Variants in PIP5K1B observed in about 807,000 individuals in gnomAD.
PIP5K1B encodes phosphatidylinositol-4-phosphate 5-kinase type 1 beta.
Under a neutral mutation model 67.0 loss-of-function variants are expected in PIP5K1B, and 42 were observed. That is an observed-to-expected ratio of 0.63 (90% CI 0.49 to 0.81). PIP5K1B has a LOEUF of 0.81. Ranked by LOEUF, PIP5K1B falls within the 30% of genes least tolerant of loss-of-function variation. The pLI, the probability that PIP5K1B is intolerant of heterozygous loss-of-function variation, is 0.00. For synonymous variants in PIP5K1B, 214 were observed against 231.4 expected (o/e 0.92, Z 0.68); for missense variants, 459 against 646.3 (o/e 0.71, Z 3.14).
At chr9:68,906,475 T>C (rs1825617099) in intron 8 of PIP5K1B, among the ~76,000 whole-genome samples, 1 of 152,244 alleles carries the variant, frequency 6.6e-6, no homozygotes, top group Non-Finnish European at 1.5e-5. Context: ...TATTCATGAA[T>C]TGATATATAA....
chr9:68,934,305 G>A (rs563584844), intron 12 of PIP5K1B, among the ~76,000 whole-genome samples: 4 of 152,264 alleles, frequency 2.6e-5, no homozygotes, highest in East Asian at 1.9e-4. Flanking sequence ...TGAATTATAC[G>A]TCTGACATAA....
At chr9:68,910,220 G>A (rs1157585972) in intron 8 of PIP5K1B, among the ~76,000 whole-genome samples, 1 of 152,186 alleles carries the variant, frequency 6.6e-6, no homozygotes, top group Non-Finnish European at 1.5e-5. Flanking sequence ...CTGCCATTTA[G>A]CTGTATGCCT....
At chr9:69,003,401 C>T (rs1468962551) in intron 15 of PIP5K1B, among the ~76,000 whole-genome samples, 2 of 151,164 alleles carry the variant, frequency 1.3e-5, no homozygotes, top group Non-Finnish European at 1.5e-5. Context: ...TGAGGATTTC[C>T]TGGACACCAG....
chr9:68,707,381 G>A (rs569921888), intron 1 of PIP5K1B, among the ~76,000 whole-genome samples: 10 of 152,148 alleles, frequency 6.6e-5, no homozygotes, highest in African/African-American at 1.2e-4. Context: ...GGGAGGCAGG[G>A]CAAAGACTTT....
chr9:68,853,451 C>CAAGCCTAGA, intron 4 of PIP5K1B, among the ~76,000 whole-genome samples: 2 of 152,324 alleles, frequency 1.3e-5, no homozygotes, highest in South Asian at 4.1e-4. Context: ...CCCACCATCT[C>CAAGCCTAGA]AAGCCTAGAG....
intron 2 of PIP5K1B, among the ~76,000 whole-genome samples, chr9:68,805,022 T>C (rs989206169): frequency 7.9e-5 from 12 of 152,148 alleles, no homozygotes; most frequent in African/African-American, 2.7e-4. Flanking sequence ...CTGAGGGCTG[T>C]GAGGGCACAG....
rs553223663 is a variant in PIP5K1B, at chr9:68,871,049, CA to C, written c.201-5624del. On this transcript the variant is annotated intron_variant, in intron 5 of 15. Transcript: ENST00000265382. ...ACCACATCTCTCAGTCCAGTGCCAC[CA>C]AAACTAGCACTTGGTCATCAGGCTC... 1.6e-4 allele frequency among the ~76,000 whole-genome samples: 25 copies of C among 152,254 alleles called. No individual in the cohort carries two copies. The South Asian group carries it at 5.2e-3, about 32-fold the overall frequency.
intron 12 of PIP5K1B, among the ~76,000 whole-genome samples, chr9:68,925,846 G>T (rs1316153592): frequency 9.1e-6 from 1 of 110,294 alleles, no homozygotes; most frequent in Non-Finnish European, 1.7e-5. Context: ...CACTCAGGCT[G>T]CAGTGCAGTG....
chr9:68,995,416 G>A lies in PIP5K1B; in HGVS notation c.1620+4159G>A, dbSNP rs150047515. Among the ~76,000 whole-genome samples, 1,107 of 152,264 alleles carry A rather than the reference G, an allele frequency of 7.3e-3. 5 individuals are homozygous for A. Among genetic ancestry groups the A allele is most frequent in the Middle Eastern group, 0.014 (4 of 294 alleles). On this transcript the variant is annotated intron_variant, in intron 15 of 15. Coordinates refer to ENST00000265382, the MANE Select transcript of PIP5K1B (RefSeq NM_003558.4). ...AATTCCAGAATGTGTTTTCATGCTG[G>A]AAAATTTTATTTTTTGTTTTGCGTG...
At chr9:68,969,634 C>G (rs1308547321) in intron 14 of PIP5K1B, among the ~76,000 whole-genome samples, 1 of 152,126 alleles carries the variant, frequency 6.6e-6, no homozygotes, top group Non-Finnish European at 1.5e-5. Flanking sequence ...AGCCCAGAGT[C>G]TAGGACCACC....
At chr9:68,921,083 A>C (rs1180735316) in intron 11 of PIP5K1B, among the ~76,000 whole-genome samples, 1 of 152,040 alleles carries the variant, frequency 6.6e-6, no homozygotes, top group Admixed American at 6.6e-5. Flanking sequence ...TTCAGCATGA[A>C]AGATCTACAT....
Position 68,927,083 on chromosome 9 carries a change from T to C in PIP5K1B, c.1201+3697T>C, listed in dbSNP as rs139365548. Reference sequence around the variant, plus strand: ...CTTAACAGAATATTTTTGAGGTTTATCTGTAGCCTCGTAGCATGTACCAGT... The same window carrying C: ...CTTAACAGAATATTTTTGAGGTTTACCTGTAGCCTCGTAGCATGTACCAGT... On this transcript the variant is annotated intron_variant, in intron 12 of 15. Transcript: ENST00000265382. 7.9e-5 allele frequency among the ~76,000 whole-genome samples: 12 copies of C among 152,346 alleles called. 1 individual carries two copies. Among genetic ancestry groups the C allele is most frequent in the Admixed American group, 7.8e-4 (12 of 15,296 alleles).
rs116246432 is a variant in PIP5K1B at position 68,879,240 on chromosome 9, A to G, written c.318+2446A>G. Among the ~76,000 whole-genome samples, 1,023 of 152,308 alleles carry G rather than the reference A, an allele frequency of 6.7e-3. 8 individuals carry two copies. The highest frequency in any genetic ancestry group is 0.023 in the African/African-American group (968 of 41,570). On this transcript the variant is annotated intron_variant, in intron 6 of 15. Transcript: ENST00000265382. ...GGTTTGATATCTGGGATGTACTTCAATAGTATCTGAGGAGTTGGTCAAAGC... is the reference window on the plus strand; with the variant it reads ...GGTTTGATATCTGGGATGTACTTCAGTAGTATCTGAGGAGTTGGTCAAAGC...
chr9:68,733,518 G>T (rs1281024832), intron 1 of PIP5K1B, among the ~76,000 whole-genome samples: 1 of 151,142 alleles, frequency 6.6e-6, no homozygotes, highest in Admixed American at 6.6e-5. Context: ...GTGACATTTA[G>T]ATTTGGGGGA....
intron 2 of PIP5K1B, among the ~76,000 whole-genome samples, chr9:68,807,140 A>T (rs1206761539): frequency 6.6e-6 from 1 of 152,102 alleles, no homozygotes; most frequent in Non-Finnish European, 1.5e-5. Flanking sequence ...GAGAACAGGG[A>T]CCATCTCATT....
Position 68,902,396 on chromosome 9 carries a change from C to T in PIP5K1B, c.771+7758C>T, listed in dbSNP as rs531439360. Among the ~76,000 whole-genome samples, 13 of 152,198 alleles carry T rather than the reference C, an allele frequency of 8.5e-5. No individual in the cohort carries two copies. The South Asian group carries it at 1.7e-3, about 19-fold the overall frequency. On this transcript the variant is annotated intron_variant, in intron 8 of 15. Transcript: ENST00000265382. ...AACCCCTGAGATTGGCTTTTTTTTACTCAGCATAATGCCATTGATATTCAT... is the reference window on the plus strand; with the variant it reads ...AACCCCTGAGATTGGCTTTTTTTTATTCAGCATAATGCCATTGATATTCAT...
rs57919809 is a variant in PIP5K1B, at chr9:68,979,460, C to T, written c.1503-11680C>T. Among the ~76,000 whole-genome samples the T allele has an allele frequency of 2.4e-3, 309 of 126,938 alleles. 1 individual carries two copies. Among genetic ancestry groups the T allele is most frequent in the Non-Finnish European group, 3.2e-3 (177 of 56,118 alleles). The allele number at this position is 126,938 out of a possible 152,430, so 83.3% of individuals were successfully genotyped here. A position where few individuals can be genotyped will look rare whatever the true frequency, so the allele number is the denominator to read the frequency against. ...TTGGAAAGAAAAACAAATCTCATAG[C>T]GATATACGGTGAAAAAGGTCCCTGA... On this transcript the variant is annotated intron_variant, in intron 14 of 15. Transcript: ENST00000265382.
At chr9:68,928,009 A>G (rs1375699144) in intron 12 of PIP5K1B, among the ~76,000 whole-genome samples, 3 of 152,060 alleles carry the variant, frequency 2.0e-5, no homozygotes, top group Non-Finnish European at 4.4e-5. Flanking sequence ...TGAAAAGCCT[A>G]TTCTTTCCCC....
chr9:68,798,880 A>G (rs571221053), intron 2 of PIP5K1B, among the ~76,000 whole-genome samples: 1 of 152,306 alleles, frequency 6.6e-6, no homozygotes, highest in East Asian at 1.9e-4. Context: ...AGCAATTAGG[A>G]TGGAGAACAA....
Sources: allele counts gnomAD v4.1 joint callset (sites outside exome capture counted in the v4.1 genomes callset), GRCh38; gene constraint gnomAD v4.1.1; transcripts MANE v1.5; gene names NCBI Gene and HGNC (gene_info 2026-07-23, HGNC 2026-07-21).